Variants in RBFOX1 observed in about 807,000 individuals in gnomAD.
RBFOX1 encodes the protein RNA binding protein fox-1 homolog 1.
RBFOX1 carries 8 observed loss-of-function variants against 57.7 expected under a neutral mutation model. The ratio of observed to expected loss-of-function variants is 0.14; its 90% CI spans 0.08 to 0.25. The LOEUF (loss-of-function observed/expected upper bound fraction) is 0.25, where lower values mean the gene tolerates loss of function less well. Ranked by LOEUF, RBFOX1 falls within the 10% of genes least tolerant of loss-of-function variation. The pLI is 1.00. For missense variants in RBFOX1, 611 were observed against 548.5 expected (o/e 1.11, Z -1.14); for synonymous variants, 326 against 222.4 (o/e 1.47, Z -4.15).
intron 4 of RBFOX1, among the ~76,000 whole-genome samples, chr16:7,196,540 T>C (rs9939611): frequency 0.61 from 93,495 of 152,114 alleles, 29,003 homozygotes; most frequent in African/African-American, 0.68. Flanking sequence ...GCTCTTTAAA[T>C]GCACAAACCC....
chr16:7,233,818 G>T (rs1292673667), intron 4 of RBFOX1, among the ~76,000 whole-genome samples: 1 of 152,148 alleles, frequency 6.6e-6, no homozygotes, highest in Non-Finnish European at 1.5e-5. Flanking sequence ...GCCTAATGGA[G>T]TCTTACTAAG....
At chr16:7,517,026 A>G (rs375248621) in intron 4 of RBFOX1, among the ~76,000 whole-genome samples, 4 of 152,058 alleles carry the variant, frequency 2.6e-5, no homozygotes, top group East Asian at 1.9e-4. Flanking sequence ...AGAGGCAGCT[A>G]TTTGGTGTGC....
intron 2 of RBFOX1, among the ~76,000 whole-genome samples, chr16:6,342,833 T>G (rs1599839218): frequency 6.6e-6 from 1 of 152,192 alleles, no homozygotes; most frequent in Non-Finnish European, 1.5e-5. Context: ...CCTTGACATT[T>G]TGTATTCATT....
chr16:5,731,688 G>C (rs372318519), intron 3 of RBFOX1, among the ~76,000 whole-genome samples: 1 of 152,150 alleles, frequency 6.6e-6, no homozygotes. Context: ...AATCCCCCCT[G>C]GATGTCCATA....
chr16:7,428,673 A>G (rs187971397), intron 4 of RBFOX1, among the ~76,000 whole-genome samples: 131 of 151,954 alleles, frequency 8.6e-4, no homozygotes, highest in African/African-American at 3.0e-3. Flanking sequence ...ACCTGACCAG[A>G]GAATTAATAT....
intron 4 of RBFOX1, among the ~76,000 whole-genome samples, chr16:7,501,519 T>G (rs941856227): frequency 1.3e-5 from 2 of 152,226 alleles, no homozygotes; most frequent in African/African-American, 4.8e-5. Context: ...TTGAGAGCTT[T>G]ACAATCCAGT....
chr16:7,290,568 A>C (rs1286818793), intron 4 of RBFOX1, among the ~76,000 whole-genome samples: 1 of 152,254 alleles, frequency 6.6e-6, no homozygotes, highest in Non-Finnish European at 1.5e-5. Flanking sequence ...TGAATCTCAG[A>C]AACATGAAAA....
At chr16:7,097,311 GAGGAGTA>G (rs1038188520) in intron 4 of RBFOX1, among the ~76,000 whole-genome samples, 4 of 152,074 alleles carry the variant, frequency 2.6e-5, no homozygotes, top group Admixed American at 2.6e-4. Context: ...CCTCAGATGT[GAGGAGTA>G]TGGTCAGAGA....
chr16:5,867,625 C>G (rs1466441022), intron 4 of RBFOX1, among the ~76,000 whole-genome samples: 1 of 152,198 alleles, frequency 6.6e-6, no homozygotes, highest in Admixed American at 6.5e-5. Flanking sequence ...AGCCCTGGCT[C>G]TGCCAATGAG....
chr16:6,791,540 C>T (rs1473393663), intron 3 of RBFOX1, among the ~76,000 whole-genome samples: 1 of 152,146 alleles, frequency 6.6e-6, no homozygotes, highest in Admixed American at 6.5e-5. Flanking sequence ...GGGTGGATCT[C>T]TTGAGGTCAG....
intron 2 of RBFOX1, among the ~76,000 whole-genome samples, chr16:6,566,061 T>G (rs998312959): frequency 2.6e-5 from 4 of 152,142 alleles, no homozygotes; most frequent in Non-Finnish European, 5.9e-5. Context: ...ACAAACAGAG[T>G]TAATTGCACA....
intron 1 of RBFOX1, among the ~76,000 whole-genome samples, chr16:5,327,995 G>T (rs2064633321): frequency 6.6e-6 from 1 of 152,172 alleles, no homozygotes; most frequent in African/African-American, 2.4e-5. Flanking sequence ...GAGGTATTTT[G>T]GAAGAGCTGA....
In RBFOX1 at chr16:7,373,735, G is replaced by A. The variant is rs377337720; in HGVS notation, c.28-144412G>A. 1.1e-4 allele frequency among the ~76,000 whole-genome samples: 17 copies of A among 152,318 alleles called. No individual in the cohort carries two copies. In the East Asian group the frequency reaches 2.9e-3, roughly 26 times the overall value. On this transcript the variant is annotated intron_variant, in intron 4 of 15. Transcript: ENST00000550418. ...TGATCATTGCAATAGTTGATACAGG[G>A]GCCCAGCTCTTTGCGCTGATATTGA...
chr16:7,049,931 A>G (rs1014010432), intron 3 of RBFOX1, among the ~76,000 whole-genome samples: 37 of 152,286 alleles, frequency 2.4e-4, no homozygotes, highest in African/African-American at 7.0e-4. Context: ...TACATTCACA[A>G]TGTTGTGCAA....
intron 4 of RBFOX1, among the ~76,000 whole-genome samples, chr16:7,147,284 C>A (rs1257756984): frequency 6.7e-6 from 1 of 149,054 alleles, no homozygotes; most frequent in East Asian, 2.0e-4. Context: ...GGATTACAGG[C>A]ATGAGCCACC....
chr16:6,905,531 G>A (rs1239056525), intron 3 of RBFOX1, among the ~76,000 whole-genome samples: 4 of 148,730 alleles, frequency 2.7e-5, no homozygotes, highest in African/African-American at 1.0e-4. Context: ...CTAGCCTAGG[G>A]GACAGAGTTA....
intron 1 of RBFOX1, among the ~76,000 whole-genome samples, chr16:6,193,379 TTATATATATATACTA>T (rs2097155999): frequency 4.8e-5 from 3 of 63,130 alleles, no homozygotes; most frequent in African/African-American, 1.5e-4. Flanking sequence ...TATATATACA[TTATATATATATACTA>T]TATATATATA....
At chr16:7,168,829 G>A (rs78169434) in intron 4 of RBFOX1, among the ~76,000 whole-genome samples, 4,781 of 152,228 alleles carry the variant, frequency 0.031, 98 homozygotes, top group South Asian at 0.092. Context: ...AATTCATGCA[G>A]TCTTCATTCT....
intron 3 of RBFOX1, among the ~76,000 whole-genome samples, chr16:6,975,150 A>ACTAG (rs755830797): frequency 6.6e-6 from 1 of 152,170 alleles, no homozygotes; most frequent in Non-Finnish European, 1.5e-5. Context: ...CAGATCCTGG[A>ACTAG]CTAGCTCTGT....
Sources: allele counts gnomAD v4.1 joint callset (sites outside exome capture counted in the v4.1 genomes callset), GRCh38; gene constraint gnomAD v4.1.1; transcripts MANE v1.5; gene names NCBI Gene and HGNC (gene_info 2026-07-23, HGNC 2026-07-21).